Variants in JAKMIP3 observed in about 807,000 individuals in gnomAD.
JAKMIP3 encodes the protein janus kinase and microtubule-interacting protein 3.
JAKMIP3 carries 58 observed loss-of-function variants against 118.5 expected under a neutral mutation model. The observed-to-expected ratio is 0.49, with a 90% CI of 0.40 to 0.61. JAKMIP3 has a LOEUF of 0.61. Ranked by LOEUF, JAKMIP3 falls within the 20% of genes least tolerant of loss-of-function variation. The pLI, the probability that JAKMIP3 is intolerant of heterozygous loss-of-function variation, is 0.00. For synonymous variants in JAKMIP3, 486 were observed against 451.2 expected (o/e 1.08, Z -0.98); for missense variants, 950 against 1,109.0 (o/e 0.86, Z 2.04).
At chr10:132,164,825 C>T (rs1174285514) in intron 21 of JAKMIP3, 90 bp downstream of exon 21, 7 of 879,472 alleles carry the variant, frequency 8.0e-6, no homozygotes, top group South Asian at 2.9e-5. Flanking sequence ...AGCTCCAGGC[C>T]GTTGGGGCAG....
intron 14 of JAKMIP3, among the ~76,000 whole-genome samples, chr10:132,148,321 C>T (rs1447883373): frequency 6.6e-6 from 1 of 152,116 alleles, no homozygotes; most frequent in African/African-American, 2.4e-5. Flanking sequence ...GCCCAAAGCA[C>T]GTGTAAATAT....
chr10:132,077,295 G>A (rs1172548990), intron 1 of JAKMIP3, among the ~76,000 whole-genome samples: 1 of 152,166 alleles, frequency 6.6e-6, no homozygotes, highest in Non-Finnish European at 1.5e-5. Flanking sequence ...GTTCTGGGCA[G>A]GGGGTGTCCG....
rs1290784564 is a variant in JAKMIP3 at position 132,104,818 on chromosome 10, A to C, written c.10A>C (p.Arg4=). 1.3e-6 allele frequency: 2 copies of C among 1,551,896 alleles called. No individual in the cohort carries two copies. Among genetic ancestry groups the C allele is most frequent in the Non-Finnish European group, 1.7e-6 (2 of 1,147,550 alleles). ...GCCATCCAGCCTCACCATGTCCAAG[A>C]GGGGCATGAGCAGCCGGGCCAAGGG... is the stretch of plus-strand genomic sequence containing the variant. MSK[R]GMSSRAKGDK... Residue 4 remains arginine, a synonymous_variant, in exon 2 of 24, where the codon AGG becomes CGG. Transcript: ENST00000684848.
intron 1 of JAKMIP3, among the ~76,000 whole-genome samples, chr10:132,090,904 T>G (rs2043012961): frequency 6.6e-6 from 1 of 152,220 alleles, no homozygotes; most frequent in Non-Finnish European, 1.5e-5. Context: ...CTGCTTTTTC[T>G]TGTGGGCATT....
rs1565019049 is a variant in JAKMIP3, at chr10:132,180,598, CGTGCGCGTGTGT to C, written c.*1104-1755_*1104-1744del. Among the ~76,000 whole-genome samples, 13 of 7,366 alleles carry C rather than the reference CGTGCGCGTGTGT, an allele frequency of 1.8e-3. 1 individual carries two copies. The highest frequency in any genetic ancestry group is 6.4e-3 in the Admixed American group (4 of 626). The allele number at this position is 7,366 out of a possible 152,430, so 4.8% of individuals were successfully genotyped here. A position where few individuals can be genotyped will look rare whatever the true frequency, so the allele number is the denominator to read the frequency against. On this transcript the variant is annotated intron_variant, in intron 23 of 23. Coordinates refer to ENST00000684848, the MANE Select transcript of JAKMIP3 (RefSeq NM_001323087.2). ...GTGTGTGCGTGCGCGTGTGTGTGTG[CGTGCGCGTGTGT>C]GTGTGCGTGTGTGTGCGTGTGTGCG...
rs2055379119 is a variant in JAKMIP3, at chr10:132,149,435, C to T, written c.1872C>T (p.Ala624=). The change falls in exon 15 of 24, where the codon GCC becomes GCT. Residue 624 remains alanine, a synonymous_variant. Transcript: ENST00000684848. ...ELEERERKSP[A]ISFHHTPFVD... Reference sequence around the variant, plus strand: ...AGGAGAGGGAGAGGAAGTCACCCGCCATCAGCTTCCACCACACGCCCTTCG... The same window carrying T: ...AGGAGAGGGAGAGGAAGTCACCCGCTATCAGCTTCCACCACACGCCCTTCG... 2.5e-6 allele frequency: 4 copies of T among 1,605,366 alleles called. No individual in the cohort carries two copies. Among genetic ancestry groups the T allele is most frequent in the African/African-American group, 1.3e-5 (1 of 74,716 alleles).
intron 15 of JAKMIP3, 60 bp downstream of exon 15, chr10:132,149,570 C>CA: frequency 1.6e-6 from 1 of 607,748 alleles, no homozygotes; most frequent in Non-Finnish European, 2.5e-6. Flanking sequence ...GCCCCACCCC[C>CA]TCTCCGCCCC....
At chr10:132,087,611 G>T (rs2042560784) in intron 1 of JAKMIP3, among the ~76,000 whole-genome samples, 1 of 150,884 alleles carries the variant, frequency 6.6e-6, no homozygotes, top group Non-Finnish European at 1.5e-5. Context: ...TTATCTTCAG[G>T]CTCTGAAGTT....
At chr10:132,126,147 G>A (rs560336371) in intron 3 of JAKMIP3, among the ~76,000 whole-genome samples, 1 of 152,316 alleles carries the variant, frequency 6.6e-6, no homozygotes, top group Admixed American at 6.5e-5. Context: ...GGCCTGCAGT[G>A]TAACTTTGAA....
At chr10:132,180,976 C>T (rs1051723498) in intron 23 of JAKMIP3, among the ~76,000 whole-genome samples, 1 of 149,916 alleles carries the variant, frequency 6.7e-6, no homozygotes, top group Non-Finnish European at 1.5e-5. Context: ...ATTGTGTGGG[C>T]ATGTGTGTGT....
At chr10:132,127,063 C>G (rs528315096) in intron 3 of JAKMIP3, among the ~76,000 whole-genome samples, 15 of 151,928 alleles carry the variant, frequency 9.9e-5, no homozygotes, top group African/African-American at 3.6e-4. Context: ...CTATTTGGGT[C>G]AGGAGTTTTG....
intron 14 of JAKMIP3, among the ~76,000 whole-genome samples, 187 bp from the exon 15 acceptor site, chr10:132,149,225 C>T (rs1429535960): frequency 6.6e-6 from 1 of 152,096 alleles, no homozygotes; most frequent in East Asian, 1.9e-4. Flanking sequence ...AGGGGCAGTC[C>T]TTGTGGGCAG....
In JAKMIP3 at chr10:132,135,436, C is replaced by T. The variant is rs571776868; in HGVS notation, c.969+276C>T. On this transcript the variant is annotated intron_variant, in intron 5 of 23. Transcript: ENST00000684848. ...CTGCAGGTGATCTGGGATGTGCAGACGCGGCCTCTCAGTGGGGCTGTTGCC... is the reference window on the plus strand; with the variant it reads ...CTGCAGGTGATCTGGGATGTGCAGATGCGGCCTCTCAGTGGGGCTGTTGCC... 1.9e-4 allele frequency among the ~76,000 whole-genome samples: 29 copies of T among 152,310 alleles called. No individual in the cohort carries two copies. The South Asian group carries it at 5.2e-3, about 27-fold the overall frequency.
intron 1 of JAKMIP3, among the ~76,000 whole-genome samples, chr10:132,097,854 T>C (rs900724480): frequency 2.3e-5 from 2 of 88,138 alleles, no homozygotes; most frequent in Middle Eastern, 4.7e-3. Context: ...ATCACAGAGA[T>C]TGCCCTTCCT....
chr10:132,105,667 T>G (rs2045792322), intron 2 of JAKMIP3, among the ~76,000 whole-genome samples: 2 of 152,072 alleles, frequency 1.3e-5, no homozygotes, highest in African/African-American at 4.8e-5. Context: ...CATCTCCTGG[T>G]CCCCAGGAGC....
chr10:132,168,601 G>A lies in JAKMIP3; in HGVS notation c.*671G>A, dbSNP rs568243413. On this transcript the variant is annotated 3_prime_UTR_variant, in exon 23 of 24. Coordinates refer to ENST00000684848, the MANE Select transcript of JAKMIP3 (RefSeq NM_001323087.2). ...GGGACAGACAAGAGCCGTGGCCGCC[G>A]CGGGCCGCGTGGTGCCATCAACCCT... 6 of 358,096 alleles carry A rather than the reference G, an allele frequency of 1.7e-5. No homozygotes were observed. Among genetic ancestry groups the A allele is most frequent in the African/African-American group, 8.6e-5 (4 of 46,546 alleles). 22.2% of individuals were successfully genotyped at this position (358,096 alleles called of 1,614,324 possible). A position where few individuals can be genotyped will look rare whatever the true frequency, so the allele number is the denominator to read the frequency against.
intron 11 of JAKMIP3, 101 bp downstream of exon 11, chr10:132,142,149 C>CG (rs1564954165): frequency 9.2e-6 from 12 of 1,298,642 alleles, no homozygotes; most frequent in Non-Finnish European, 1.3e-5. Context: ...CTCCTGGGCC[C>CG]GGGCCCCTCC....
chr10:132,058,822 A>G (rs1437972570), intron 1 of JAKMIP3, among the ~76,000 whole-genome samples: 1 of 152,222 alleles, frequency 6.6e-6, no homozygotes. Flanking sequence ...AAAAATGCAT[A>G]AAGTACCCCG....
At chr10:132,145,961 TCTC>T (rs1173309312) in intron 13 of JAKMIP3, among the ~76,000 whole-genome samples, 1 of 152,026 alleles carries the variant, frequency 6.6e-6, no homozygotes, top group Non-Finnish European at 1.5e-5. Context: ...GTCAGGGAAG[TCTC>T]CTTCCAGCAA....
Sources: gnomAD v4.1 joint callset for allele counts (sites outside exome capture counted in the v4.1 genomes callset) on GRCh38, gnomAD v4.1.1 for gene constraint, MANE v1.5 for transcripts, NCBI Gene and HGNC (gene_info 2026-07-23, HGNC 2026-07-21) for gene names.